FRY: variants seen among roughly 807,000 people sequenced by gnomAD.
FRY encodes FRY microtubule binding protein.
FRY carries 128 observed loss-of-function variants against 348.4 expected under a neutral mutation model. The observed-to-expected ratio is 0.37, with a 90% CI of 0.32 to 0.43. FRY has a LOEUF of 0.43. FRY is among the 20% of genes least tolerant of loss of function. The pLI, the probability that FRY is intolerant of heterozygous loss-of-function variation, is 1.00. For missense variants in FRY, 2,736 were observed against 3,695.2 expected, an observed-to-expected ratio of 0.74 and a Z score of 6.73; for synonymous variants, 1,370 against 1,374.7, an observed-to-expected ratio of 1.00 and a Z score of 0.08.
intron 7 of FRY, 83 bp downstream of exon 7, chr13:32,124,958 T>C: frequency 9.8e-7 from 1 of 1,022,404 alleles, no homozygotes; most frequent in Non-Finnish European, 1.5e-6. Context: ...AAGTTGGGGT[T>C]GAGCTTACAA....
Position 32,192,321 on chromosome 13 carries a change from C to T in FRY, c.3592-1822C>T, listed in dbSNP as rs575419994. Among the ~76,000 whole-genome samples, 772 of 149,852 alleles carry T rather than the reference C, an allele frequency of 5.2e-3. 4 individuals are homozygous for T. Among genetic ancestry groups the T allele is most frequent in the Middle Eastern group, 0.014 (4 of 294 alleles). ...GTTTTGTTTTGTTTTGTTTTTGAGA[C>T]GGAGTCTCGCTCTGTCCCCCCGGCT... On this transcript the variant is annotated intron_variant, in intron 28 of 60. Transcript: ENST00000542859.
chr13:32,228,418 GCCTAGTACA>G (rs771371572), intron 39 of FRY, 29 bp from the exon 40 acceptor site: 9 of 1,461,222 alleles, frequency 6.2e-6, no homozygotes. Flanking sequence ...CAAGCACACT[GCCTAGTACA>G]TCCCTCCTTG....
intron 28 of FRY, among the ~76,000 whole-genome samples, chr13:32,191,467 C>G (rs777790732): frequency 6.6e-6 from 1 of 152,108 alleles, no homozygotes; most frequent in Non-Finnish European, 1.5e-5. Context: ...GAAAAATGAG[C>G]AAGAAACTTA....
rs192747345 is a variant in FRY, at chr13:32,277,264, T to A, written c.8385+702T>A. 3.9e-5 allele frequency among the ~76,000 whole-genome samples: 6 copies of A among 152,294 alleles called. No homozygotes were observed. In the East Asian group the frequency reaches 1.2e-3, roughly 29 times the overall value. On this transcript the variant is annotated intron_variant, in intron 57 of 60. Transcript: ENST00000542859. Reference sequence around the variant, plus strand: ...AATCACAGCTCAGTTATTTAACGGTTAGTGACCTTGAATAAGTGACTTGCC... The same window carrying A: ...AATCACAGCTCAGTTATTTAACGGTAAGTGACCTTGAATAAGTGACTTGCC...
intron 29 of FRY, among the ~76,000 whole-genome samples, chr13:32,201,567 T>A (rs1465815941): frequency 6.6e-6 from 1 of 152,246 alleles, no homozygotes; most frequent in Non-Finnish European, 1.5e-5. Flanking sequence ...TGGTGAGCTA[T>A]TGAGAAATTT....
intron 15 of FRY, 55 bp from the exon 16 acceptor site, chr13:32,157,218 A>G: frequency 1.3e-6 from 2 of 1,484,088 alleles, no homozygotes; most frequent in South Asian, 2.3e-5. Context: ...TGAATAAATC[A>G]GGATATCCTT....
chr13:32,192,739 CTTTTTTTTTTTT>C (rs71194513), intron 28 of FRY, among the ~76,000 whole-genome samples: 16 of 99,246 alleles, frequency 1.6e-4, no homozygotes, highest in South Asian at 3.5e-4. Flanking sequence ...CAGAATGTTA[CTTTTTTTTTTTT>C]TTTTTTTTTT....
chr13:32,265,925 A>T (rs980173541), intron 54 of FRY, among the ~76,000 whole-genome samples: 7 of 152,244 alleles, frequency 4.6e-5, no homozygotes, highest in African/African-American at 1.7e-4. Flanking sequence ...ACACTTGGCA[A>T]GCCTTGGAAA....
At position 32,289,699 on chromosome 13, in the gene FRY, T is replaced by C; in HGVS notation, c.8536T>C (p.Cys2846Arg). The C allele has an allele frequency of 1.2e-6, 2 of 1,613,150 alleles. No individual in the cohort carries two copies. Among genetic ancestry groups the C allele is most frequent in the South Asian group, 1.1e-5 (1 of 91,068 alleles). Residue 2846 changes from cysteine (C) to arginine (R), a missense_variant, in exon 59 of 61, where the codon TGT (cysteine) becomes CGT (arginine). Coordinates refer to ENST00000542859, the MANE Select transcript of FRY (RefSeq NM_023037.3). ...GCTGCTATTGCTTTTTCAGTCCTACTGTAAGCTCATCGGCCAGGTGCACGA... is the reference window on the plus strand; with the variant it reads ...GCTGCTATTGCTTTTTCAGTCCTACCGTAAGCTCATCGGCCAGGTGCACGA... ...FQLLLLFQSY[C>R]KLIGQVHEVS...
Position 32,102,814 on chromosome 13 carries a change from G to A in FRY, c.324+798G>A, listed in dbSNP as rs140019045. Among the ~76,000 whole-genome samples the A allele has an allele frequency of 9.8e-3, 1,489 of 152,282 alleles. 28 individuals are homozygous for A. The highest frequency in any genetic ancestry group is 0.014 in the Non-Finnish European group (984 of 68,022). ...TTGTGAAGTTTCCTAAACTTTTGCAGTTAATGACAAAAAGGACATTATGTT... is the reference window on the plus strand; with the variant it reads ...TTGTGAAGTTTCCTAAACTTTTGCAATTAATGACAAAAAGGACATTATGTT... On this transcript the variant is annotated intron_variant, in intron 3 of 60. Coordinates refer to ENST00000542859, the MANE Select transcript of FRY (RefSeq NM_023037.3).
chr13:32,279,621 G>C (rs972193985), intron 58 of FRY, among the ~76,000 whole-genome samples: 1 of 152,246 alleles, frequency 6.6e-6, no homozygotes, highest in Admixed American at 6.5e-5. Flanking sequence ...CCCATCTAGG[G>C]AGAGAAGGTT....
At chr13:32,123,095 T>G (rs750242212) in intron 4 of FRY, among the ~76,000 whole-genome samples, 10 of 152,168 alleles carry the variant, frequency 6.6e-5, no homozygotes, top group Non-Finnish European at 1.3e-4. Flanking sequence ...GAATCAATAT[T>G]GTGAAAATGA....
At chr13:32,149,459 T>A (rs1413531601) in intron 13 of FRY, among the ~76,000 whole-genome samples, 1 of 58,550 alleles carries the variant, frequency 1.7e-5, no homozygotes, top group Non-Finnish European at 2.9e-5. Flanking sequence ...TTTGGTTATT[T>A]GATTTGTGGG....
At chr13:32,246,548 C>CAT (rs1317984380) in intron 47 of FRY, among the ~76,000 whole-genome samples, 10 of 152,202 alleles carry the variant, frequency 6.6e-5, no homozygotes, top group Admixed American at 2.6e-4. Flanking sequence ...CCTTGCAGGC[C>CAT]ATGCTCAAAG....
At chr13:32,272,935 G>A (rs1258313426) in intron 55 of FRY, among the ~76,000 whole-genome samples, 6 of 151,316 alleles carry the variant, frequency 4.0e-5, no homozygotes, top group East Asian at 3.9e-4. Flanking sequence ...TAGCAGAGAC[G>A]GGGTTTCACC....
intron 4 of FRY, among the ~76,000 whole-genome samples, chr13:32,123,001 A>T (rs1300304245): frequency 1.3e-5 from 2 of 152,214 alleles, no homozygotes; most frequent in Non-Finnish European, 2.9e-5. Flanking sequence ...AAAGACCTCT[A>T]CAAGGAAAAC....
intron 2 of FRY, among the ~76,000 whole-genome samples, chr13:32,084,402 G>C (rs897925124): frequency 6.6e-6 from 1 of 152,048 alleles, no homozygotes; most frequent in Non-Finnish European, 1.5e-5. Context: ...TATGAACCCA[G>C]GTTTCTTGTC....
intron 42 of FRY, 41 bp from the exon 43 acceptor site, chr13:32,236,037 G>C (rs761058641): frequency 1.0e-5 from 13 of 1,260,246 alleles, no homozygotes; most frequent in Non-Finnish European, 1.5e-5. Flanking sequence ...ATTAACAATG[G>C]TTACAAGCAA....
chr13:32,084,919 C>G (rs752841817), intron 2 of FRY, among the ~76,000 whole-genome samples: 54 of 151,692 alleles, frequency 3.6e-4, no homozygotes, highest in Non-Finnish European at 6.3e-4. Flanking sequence ...CACACATATC[C>G]CATGTCCCCA....
Sources: allele counts gnomAD v4.1 joint callset (sites outside exome capture counted in the v4.1 genomes callset), GRCh38; gene constraint gnomAD v4.1.1; transcripts MANE v1.5; gene names NCBI Gene and HGNC (gene_info 2026-07-23, HGNC 2026-07-21).